The following ANXA8 variants were observed in gnomAD, a reference collection of about 807,000 sequenced individuals.
ANXA8 encodes annexin A8.
Under a neutral mutation model 26.8 loss-of-function variants are expected in ANXA8, and 9 were observed. The ratio of observed to expected loss-of-function variants is 0.34; its 90% CI spans 0.20 to 0.59. ANXA8 has a LOEUF of 0.59. Ranked by LOEUF, ANXA8 falls within the 20% of genes least tolerant of loss-of-function variation. The pLI is 0.84. For missense variants in ANXA8, 83 were observed against 238.5 expected (o/e 0.35, Z 4.29); for synonymous variants, 39 against 94.8 (o/e 0.41, Z 3.42).
the ANXA8 span, among the ~76,000 whole-genome samples, chr10:47,644,218 G>C: frequency 1.4e-5 from 2 of 147,514 alleles, no homozygotes; most frequent in East Asian, 1.9e-4. Context: ...TACTCTACCT[G>C]GAGAAAAACA....
the ANXA8 span, chr10:47,690,319 A>G: frequency 5.0e-6 from 8 of 1,609,102 alleles, no homozygotes; most frequent in East Asian, 2.2e-5. Context: ...GAATATCATG[A>G]AATACAAAAC....
the ANXA8 span, among the ~76,000 whole-genome samples, chr10:47,700,985 G>A: frequency 2.0e-5 from 3 of 151,500 alleles, no homozygotes; most frequent in South Asian, 6.3e-4. Context: ...AGGAGGCTGA[G>A]GCAGGAGGAT....
At chr10:47,705,857 C>A in the ANXA8 span, among the ~76,000 whole-genome samples, 1 of 151,462 alleles carries the variant, frequency 6.6e-6, no homozygotes, top group Non-Finnish European at 1.5e-5. Flanking sequence ...CGTGACTTTT[C>A]TGGGGGCATC....
At chr10:47,570,961 A>G in the ANXA8 span, among the ~76,000 whole-genome samples, 2 of 150,864 alleles carry the variant, frequency 1.3e-5, no homozygotes, top group East Asian at 3.9e-4. Flanking sequence ...ACCCAGCACT[A>G]CTGTGAATTT....
chr10:47,655,926 A>G, the ANXA8 span, among the ~76,000 whole-genome samples: 2 of 152,006 alleles, frequency 1.3e-5, no homozygotes, highest in Non-Finnish European at 2.9e-5. Flanking sequence ...AGGCTGAGGC[A>G]GGAGAATCGC....
chr10:47,607,870 A>T, the ANXA8 span, among the ~76,000 whole-genome samples: 6 of 102,700 alleles, frequency 5.8e-5, no homozygotes, highest in African/African-American at 2.8e-4. Context: ...ATAAACATTT[A>T]AAAAGGTGAG....
At chr10:47,948,050 G>A in the ANXA8 span, among the ~76,000 whole-genome samples, 1 of 150,374 alleles carries the variant, frequency 6.7e-6, no homozygotes, top group Non-Finnish European at 1.5e-5. Context: ...GGCAGGAGGA[G>A]TAAAGAAGCC....
the ANXA8 span, among the ~76,000 whole-genome samples, chr10:47,570,861 A>T: frequency 2.7e-5 from 4 of 148,568 alleles, no homozygotes; most frequent in Admixed American, 1.3e-4. Flanking sequence ...CCTAATATAG[A>T]AATACAGTAA....
At chr10:47,663,783 A>C in the ANXA8 span, among the ~76,000 whole-genome samples, 1 of 148,572 alleles carries the variant, frequency 6.7e-6, no homozygotes, top group Non-Finnish European at 1.5e-5. Flanking sequence ...CTTTGGAGTG[A>C]TTTCTGATGC....
chr10:47,671,249 C>G, the ANXA8 span, among the ~76,000 whole-genome samples: 1 of 151,614 alleles, frequency 6.6e-6, no homozygotes, highest in East Asian at 1.9e-4. Flanking sequence ...ATGGTGAAAC[C>G]CCATCTCTAC....
the ANXA8 span, among the ~76,000 whole-genome samples, chr10:47,777,577 A>G: frequency 6.6e-6 from 1 of 152,210 alleles, no homozygotes; most frequent in African/African-American, 2.4e-5. Flanking sequence ...CATCCAGAAG[A>G]GGGAAAAACA....
the ANXA8 span, among the ~76,000 whole-genome samples, chr10:47,951,305 T>A: frequency 6.0e-5 from 9 of 150,902 alleles, no homozygotes; most frequent in African/African-American, 2.2e-4. Flanking sequence ...TTAAAAACCT[T>A]CACACAAGGA....
the ANXA8 span, among the ~76,000 whole-genome samples, chr10:47,525,408 G>GAAACA: frequency 5.6e-5 from 8 of 143,402 alleles, no homozygotes; most frequent in African/African-American, 1.3e-4. Flanking sequence ...TCCATCCCAA[G>GAAACA]AAACAAAACA....
upstream of ANXA8, among the ~76,000 whole-genome samples, chr10:47,489,138 C>A (rs1251435225): frequency 1.3e-5 from 2 of 150,192 alleles, no homozygotes; most frequent in Non-Finnish European, 3.0e-5. Context: ...CTGCCTCAGC[C>A]TCCCAAGTAG....
chr10:47,989,467 A>G, the ANXA8 span, among the ~76,000 whole-genome samples: 17 of 123,846 alleles, frequency 1.4e-4, no homozygotes, highest in African/African-American at 4.8e-4. Flanking sequence ...ATTTTGCTGC[A>G]TTGAGAAGCC....
At chr10:47,981,181 A>G in the ANXA8 span, among the ~76,000 whole-genome samples, 1 of 151,778 alleles carries the variant, frequency 6.6e-6, no homozygotes, top group Non-Finnish European at 1.5e-5. Flanking sequence ...ACACCACATT[A>G]ATAAAATGAA....
chr10:47,586,842 C>T, the ANXA8 span, among the ~76,000 whole-genome samples: 1 of 146,348 alleles, frequency 6.8e-6, no homozygotes, highest in Admixed American at 6.6e-5. Context: ...AGAAGAGCCC[C>T]CATCTCCTAG....
At chr10:47,487,093 A>C (rs1840062394), upstream of ANXA8, 4 of 908,220 alleles carry the variant, frequency 4.4e-6, 1 homozygote, top group Non-Finnish European at 6.5e-6. Context: ...ACCCTGATTG[A>C]TCACTATTCT....
upstream of ANXA8, chr10:47,484,174 G>A (rs1387920373): frequency 1.0e-3 from 879 of 881,024 alleles, 19 homozygotes; most frequent in South Asian, 0.012. Flanking sequence ...GCCCAGGCCT[G>A]CTCTGGGGAA....
Sources: allele counts gnomAD v4.1 joint callset (sites outside exome capture counted in the v4.1 genomes callset), GRCh38; gene constraint gnomAD v4.1.1; transcripts MANE v1.5; gene names NCBI Gene and HGNC (gene_info 2026-07-23, HGNC 2026-07-21).